The following ZBTB20 variants were observed in gnomAD, a reference collection of about 807,000 sequenced individuals.
ZBTB20 encodes the protein zinc finger and BTB domain-containing protein 20.
ZBTB20 carries 9 observed loss-of-function variants against 56.9 expected under a neutral mutation model. That is an observed-to-expected ratio of 0.16 (90% CI 0.10 to 0.28). The LOEUF is 0.28. ZBTB20 is among the 10% of genes least tolerant of loss of function. ZBTB20 has a pLI of 1.00. For missense variants in ZBTB20, 655 were observed against 1,003.0 expected, an observed-to-expected ratio of 0.65 and a Z score of 4.69; for synonymous variants, 417 against 420.7, an observed-to-expected ratio of 0.99 and a Z score of 0.11.
chr3:114,637,018 A>C (rs899947739), intron 6 of ZBTB20, among the ~76,000 whole-genome samples: 1 of 152,106 alleles, frequency 6.6e-6, no homozygotes, highest in African/African-American at 2.4e-5. Context: ...ACGATAACCA[A>C]AAGCTAGTAA....
At chr3:114,743,406 T>C (rs1241371848) in intron 5 of ZBTB20, 7 of 152,520 alleles carry the variant, frequency 4.6e-5, no homozygotes, top group African/African-American at 1.7e-4. Flanking sequence ...ATATCTCTAG[T>C]AGAAGTGAAA....
At chr3:114,848,581 C>T (rs541597545) in intron 4 of ZBTB20, among the ~76,000 whole-genome samples, 4 of 152,180 alleles carry the variant, frequency 2.6e-5, no homozygotes, top group Non-Finnish European at 5.9e-5. Flanking sequence ...GATCAGCTGG[C>T]TCAGTGTCTC....
intron 5 of ZBTB20, among the ~76,000 whole-genome samples, chr3:114,777,887 C>T (rs2069727737): frequency 6.6e-6 from 1 of 151,814 alleles, no homozygotes; most frequent in African/African-American, 2.4e-5. Context: ...AAATGTGGCA[C>T]ATATACACCA....
intron 3 of ZBTB20, among the ~76,000 whole-genome samples, chr3:114,973,848 T>C (rs1159726168): frequency 6.6e-6 from 1 of 152,190 alleles, no homozygotes; most frequent in Admixed American, 6.5e-5. Flanking sequence ...ACGAGTCTAT[T>C]GTAAACTTCT....
At chr3:114,893,704 G>A (rs1366986810) in intron 4 of ZBTB20, among the ~76,000 whole-genome samples, 1 of 134,754 alleles carries the variant, frequency 7.4e-6, no homozygotes, top group Non-Finnish European at 1.8e-5. Flanking sequence ...CAAGCTACCT[G>A]GTAAATAGTG....
intron 2 of ZBTB20, among the ~76,000 whole-genome samples, chr3:115,011,365 AC>A (rs1196308308): frequency 6.6e-6 from 1 of 151,830 alleles, no homozygotes; most frequent in Non-Finnish European, 1.5e-5. Flanking sequence ...TAATAATCAA[AC>A]TCCCAAAGAT....
At chr3:114,936,984 T>C (rs2076555634) in intron 3 of ZBTB20, among the ~76,000 whole-genome samples, 1 of 152,192 alleles carries the variant, frequency 6.6e-6, no homozygotes, top group African/African-American at 2.4e-5. Flanking sequence ...AAGCATTTGG[T>C]AGGAAGAGAT....
intron 6 of ZBTB20, among the ~76,000 whole-genome samples, chr3:114,612,341 G>C (rs906251139): frequency 3.3e-5 from 5 of 152,100 alleles, no homozygotes; most frequent in African/African-American, 1.2e-4. Context: ...CTAATTACTA[G>C]TCTCTGCAAT....
At chr3:114,811,675 C>T (rs2072522205) in intron 4 of ZBTB20, among the ~76,000 whole-genome samples, 1 of 152,212 alleles carries the variant, frequency 6.6e-6, no homozygotes, top group Non-Finnish European at 1.5e-5. Flanking sequence ...CACCAAACTT[C>T]ATCTCATTAA....
chr3:114,431,641 T>C (rs2090131260), intron 7 of ZBTB20, among the ~76,000 whole-genome samples: 1 of 152,120 alleles, frequency 6.6e-6, no homozygotes, highest in South Asian at 2.1e-4. Flanking sequence ...GGGATTAAGG[T>C]AGACAGGAAG....
chr3:114,450,833 T>C (rs1387995622), intron 7 of ZBTB20, among the ~76,000 whole-genome samples: 1 of 152,138 alleles, frequency 6.6e-6, no homozygotes, highest in Non-Finnish European at 1.5e-5. Context: ...ACAATTCATC[T>C]GTTTTTCATA....
At chr3:114,435,538 C>G (rs534112600) in intron 7 of ZBTB20, among the ~76,000 whole-genome samples, 2 of 152,320 alleles carry the variant, frequency 1.3e-5, no homozygotes, top group South Asian at 4.1e-4. Context: ...CATGCCTTGC[C>G]AGGCCAGACT....
intron 6 of ZBTB20, among the ~76,000 whole-genome samples, chr3:114,622,583 G>A (rs564263115): frequency 2.2e-4 from 34 of 152,280 alleles, no homozygotes; most frequent in African/African-American, 8.2e-4. Flanking sequence ...TGTAGCAGGG[G>A]TCAGTCTCTA....
intron 3 of ZBTB20, among the ~76,000 whole-genome samples, chr3:114,903,904 GT>G (rs1306427448): frequency 6.6e-6 from 1 of 151,984 alleles, no homozygotes; most frequent in Non-Finnish European, 1.5e-5. Context: ...GTTAGAGTCA[GT>G]TTTTTTCTTA....
At chr3:114,379,043 C>T (rs910699723) in intron 10 of ZBTB20, 1 of 152,256 alleles carries the variant, frequency 6.6e-6, no homozygotes, top group African/African-American at 2.4e-5. Flanking sequence ...GCCGCCAGCT[C>T]ATTTCCCTCT....
chr3:114,365,058 C>G (rs1303553831), intron 10 of ZBTB20, among the ~76,000 whole-genome samples: 2 of 152,186 alleles, frequency 1.3e-5, no homozygotes, highest in African/African-American at 4.8e-5. Context: ...GGCTCTAACA[C>G]AAAGGAGATC....
intron 5 of ZBTB20, among the ~76,000 whole-genome samples, chr3:114,719,645 T>C (rs1204484883): frequency 5.3e-5 from 8 of 152,068 alleles, no homozygotes; most frequent in African/African-American, 1.4e-4. Flanking sequence ...TAAGAAAAAG[T>C]TGGAACCAGC....
chr3:114,661,870 T>G (rs554397093), intron 6 of ZBTB20, among the ~76,000 whole-genome samples: 2 of 152,226 alleles, frequency 1.3e-5, no homozygotes, highest in East Asian at 3.9e-4. Flanking sequence ...CCATTCTACA[T>G]TAACTTTATC....
At chr3:114,538,024 C>G (rs778663510) in intron 6 of ZBTB20, among the ~76,000 whole-genome samples, 1 of 151,968 alleles carries the variant, frequency 6.6e-6, no homozygotes, top group Non-Finnish European at 1.5e-5. Flanking sequence ...GGAGAAATAC[C>G]TAATGTAGAT....
Sources: allele counts gnomAD v4.1 joint callset (sites outside exome capture counted in the v4.1 genomes callset), GRCh38; gene constraint gnomAD v4.1.1; transcripts MANE v1.5; gene names NCBI Gene and HGNC (gene_info 2026-07-23, HGNC 2026-07-21).